STARD13: variants seen among roughly 807,000 people sequenced by gnomAD.
STARD13 encodes the protein stAR-related lipid transfer protein 13.
A neutral mutation model predicts 106.4 loss-of-function variants in STARD13; 62 were observed. That is an observed-to-expected ratio of 0.58 (90% CI 0.48 to 0.72). The LOEUF (loss-of-function observed/expected upper bound fraction) is 0.72, where lower values mean the gene tolerates loss of function less well. Ranked by LOEUF, STARD13 falls within the 30% of genes least tolerant of loss-of-function variation. The probability of loss-of-function intolerance (pLI) is 0.00; values close to 1 mark genes in which losing one functional copy is unlikely to be tolerated. For synonymous variants in STARD13, 565 were observed against 553.0 expected (o/e 1.02, Z -0.31); for missense variants, 1,387 against 1,424.0 (o/e 0.97, Z 0.42).
the STARD13 span, among the ~76,000 whole-genome samples, chr13:33,528,660 C>T: frequency 3.3e-5 from 5 of 152,034 alleles, no homozygotes; most frequent in Admixed American, 2.6e-4. Context: ...ATTTCTCCTG[C>T]TAAATTAGCA....
At chr13:33,558,130 A>G in the STARD13 span, among the ~76,000 whole-genome samples, 5 of 152,218 alleles carry the variant, frequency 3.3e-5, no homozygotes, top group Non-Finnish European at 7.3e-5. Flanking sequence ...ACAAAGTAAT[A>G]CTTTAAGAGG....
At chr13:33,256,728 C>A (rs978982158) in intron 1 of STARD13, among the ~76,000 whole-genome samples, 1 of 152,148 alleles carries the variant, frequency 6.6e-6, no homozygotes, top group Non-Finnish European at 1.5e-5. Flanking sequence ...AGCATGTTAA[C>A]AAACAAGATG....
At chr13:33,325,668 C>A (rs2077765338) in intron 1 of STARD13, among the ~76,000 whole-genome samples, 1 of 152,112 alleles carries the variant, frequency 6.6e-6, no homozygotes, top group Non-Finnish European at 1.5e-5. Context: ...CATCTTGAGT[C>A]CTGTGAAGCC....
the STARD13 span, among the ~76,000 whole-genome samples, chr13:33,520,745 T>C: frequency 6.6e-6 from 1 of 152,064 alleles, no homozygotes; most frequent in Admixed American, 6.6e-5. Context: ...GGGATCCCTG[T>C]GATTGTCATG....
chr13:33,203,064 T>C (rs1417567287), intron 1 of STARD13, among the ~76,000 whole-genome samples: 1 of 152,252 alleles, frequency 6.6e-6, no homozygotes, highest in African/African-American at 2.4e-5. Context: ...CATTATGTCA[T>C]ATGGGCCTCC....
At chr13:33,564,732 G>A in the STARD13 span, among the ~76,000 whole-genome samples, 1 of 146,760 alleles carries the variant, frequency 6.8e-6, no homozygotes, top group Non-Finnish European at 1.5e-5. Context: ...GGTGGCTCAC[G>A]CCTGTAATCC....
rs557054041 is a variant in STARD13 at position 33,202,099 on chromosome 13, C to T, written c.170-34477G>A. On this transcript the variant is annotated intron_variant, in intron 1 of 13. Coordinates refer to ENST00000336934, the MANE Select transcript of STARD13 (RefSeq NM_178006.4). ...GATCTTGATAAATGCTGCCAAACTG[C>T]CTTTCAAAAAGATGGTCAGATTTTC... 5.1e-4 allele frequency among the ~76,000 whole-genome samples: 77 copies of T among 152,254 alleles called. No individual in the cohort carries two copies. The South Asian group carries it at 0.015, about 29-fold the overall frequency.
chr13:33,487,961 G>T, the STARD13 span, among the ~76,000 whole-genome samples: 1 of 152,106 alleles, frequency 6.6e-6, no homozygotes, highest in Non-Finnish European at 1.5e-5. Context: ...TTCTCTCAGT[G>T]CTGGTCTTCC....
At chr13:33,215,125 G>GGC in intron 1 of STARD13, among the ~76,000 whole-genome samples, 1 of 125,988 alleles carries the variant, frequency 7.9e-6, no homozygotes, top group African/African-American at 3.0e-5. Context: ...TACTTGGGGG[G>GGC]GGGGGTGGGG....
the STARD13 span, among the ~76,000 whole-genome samples, chr13:33,502,232 T>A: frequency 6.6e-6 from 1 of 152,226 alleles, no homozygotes; most frequent in African/African-American, 2.4e-5. Context: ...GCATATTGAT[T>A]TCGTATCTTG....
the STARD13 span, among the ~76,000 whole-genome samples, chr13:33,462,206 G>A: frequency 6.6e-6 from 1 of 152,146 alleles, no homozygotes; most frequent in Non-Finnish European, 1.5e-5. Context: ...CCTTTAAAGT[G>A]TCAACATTCT....
In STARD13 at chr13:33,140,760, TTCTTTC is replaced by T. The variant is rs1307171296; in HGVS notation, c.387+1544_387+1549del. ...TAGACCAGGATAAAAACACTTTCTT[TTCTTTC>T]TTTTTTTTTTTTTTGAGGCGGAGTC... On this transcript the variant is annotated intron_variant, in intron 4 of 13. Transcript: ENST00000336934. 6.3e-3 allele frequency among the ~76,000 whole-genome samples: 951 copies of T among 150,276 alleles called. 10 individuals are homozygous for T. Among genetic ancestry groups the T allele is most frequent in the African/African-American group, 0.023 (903 of 39,876 alleles).
chr13:33,641,330 C>A, the STARD13 span, among the ~76,000 whole-genome samples: 2 of 152,184 alleles, frequency 1.3e-5, no homozygotes, highest in Admixed American at 6.5e-5. Flanking sequence ...ATCCTCCCAC[C>A]TTTGCCTCCC....
At chr13:33,377,885 T>C in the STARD13 span, among the ~76,000 whole-genome samples, 1 of 152,070 alleles carries the variant, frequency 6.6e-6, no homozygotes, top group African/African-American at 2.4e-5. Flanking sequence ...ATTGAATGGG[T>C]AAATCAGTAA....
chr13:33,190,294 G>A (rs76673694), intron 1 of STARD13, among the ~76,000 whole-genome samples: 3,199 of 152,236 alleles, frequency 0.021, 94 homozygotes, highest in African/African-American at 0.069. Context: ...AATTTAGCCC[G>A]GATGTGGCTT....
chr13:33,220,697 ATAAAT>A (rs1888310053), intron 1 of STARD13, among the ~76,000 whole-genome samples: 1 of 151,726 alleles, frequency 6.6e-6, no homozygotes, highest in Non-Finnish European at 1.5e-5. Context: ...ATCTCAAAAA[ATAAAT>A]AAATAAATAA....
At chr13:33,392,414 T>G in the STARD13 span, among the ~76,000 whole-genome samples, 1 of 152,140 alleles carries the variant, frequency 6.6e-6, no homozygotes, top group African/African-American at 2.4e-5. Flanking sequence ...AACTTCTTTT[T>G]TTTGAAACAG....
chr13:33,671,871 T>C, the STARD13 span, among the ~76,000 whole-genome samples: 2 of 152,222 alleles, frequency 1.3e-5, no homozygotes, highest in African/African-American at 4.8e-5. Context: ...TTCAAATAAT[T>C]TGCTTCTATT....
the STARD13 span, among the ~76,000 whole-genome samples, chr13:33,482,609 AATTG>A: frequency 1.3e-5 from 2 of 152,214 alleles, no homozygotes; most frequent in African/African-American, 4.8e-5. Context: ...GATAATACAT[AATTG>A]ATTAGAATTT....
Sources: gnomAD v4.1 joint callset for allele counts (sites outside exome capture counted in the v4.1 genomes callset) on GRCh38, gnomAD v4.1.1 for gene constraint, MANE v1.5 for transcripts, NCBI Gene and HGNC (gene_info 2026-07-23, HGNC 2026-07-21) for gene names.